Variants in ZC3H12B observed in about 807,000 individuals in gnomAD.
The protein encoded by ZC3H12B is zinc finger CCCH-type containing 12B.
In ZC3H12B, 7 loss-of-function variants were observed where a neutral mutation model predicts 43.9. That is an observed-to-expected ratio of 0.16 (90% CI 0.09 to 0.30). The LOEUF (loss-of-function observed/expected upper bound fraction) is 0.30, where lower values mean the gene tolerates loss of function less well. Among genes scored for constraint, ZC3H12B ranks in the 10% least tolerant of loss-of-function variants. The pLI is 1.00. For missense variants in ZC3H12B, 475 were observed against 670.2 expected (o/e 0.71, Z 3.22); for synonymous variants, 222 against 241.7 (o/e 0.92, Z 0.76).
At chrX:65,315,451 T>G in the ZC3H12B span, among the ~76,000 whole-genome samples, 3 of 111,475 alleles carry the variant, frequency 2.7e-5, no homozygotes, top group African/African-American at 9.8e-5. Context: ...CTGTAAATGT[T>G]GTGACAATCA....
chrX:65,277,476 G>C, the ZC3H12B span, among the ~76,000 whole-genome samples: 1 of 111,229 alleles, frequency 9.0e-6, no homozygotes, highest in Non-Finnish European at 1.9e-5. Context: ...ACAGAGACAA[G>C]TTTCAAAAAA....
intron 3 of ZC3H12B, among the ~76,000 whole-genome samples, chrX:65,457,882 GT>G (rs2067653877): frequency 1.6e-5 from 1 of 63,564 alleles, no homozygotes; most frequent in Non-Finnish European, 2.7e-5. Flanking sequence ...CTCGTTAAGA[GT>G]CATCACCACT....
chrX:65,408,598 T>G, intron 3 of ZC3H12B: 1 of 1,141,121 alleles, frequency 8.8e-7, no homozygotes, highest in Non-Finnish European at 1.2e-6. Flanking sequence ...GTGCTCTGAG[T>G]GGGCAATCTC....
At chrX:65,350,030 C>T in the ZC3H12B span, among the ~76,000 whole-genome samples, 1 of 111,548 alleles carries the variant, frequency 9.0e-6, no homozygotes, top group African/African-American at 3.3e-5. Context: ...ATCCTGATAC[C>T]AAAACCTGGC....
intron 3 of ZC3H12B, among the ~76,000 whole-genome samples, chrX:65,438,777 G>A (rs939213372): frequency 4.4e-5 from 5 of 113,397 alleles, no homozygotes; most frequent in Admixed American, 9.3e-5. Context: ...GCGGTTTTCC[G>A]CCCTGGGCGG....
chrX:65,098,834 G>GT, the ZC3H12B span, among the ~76,000 whole-genome samples: 814 of 107,835 alleles, frequency 7.5e-3, 12 homozygotes, highest in African/African-American at 0.024. Flanking sequence ...GCTAGCTGCA[G>GT]TTTTTTTTTT....
chrX:65,183,768 G>T, the ZC3H12B span, among the ~76,000 whole-genome samples: 1 of 111,483 alleles, frequency 9.0e-6, no homozygotes, highest in Non-Finnish European at 1.9e-5. Context: ...ATTGTTCATT[G>T]TTGAGTCCTT....
chrX:65,108,240 T>C, the ZC3H12B span, among the ~76,000 whole-genome samples: 2 of 111,127 alleles, frequency 1.8e-5, no homozygotes, highest in Non-Finnish European at 3.8e-5. Context: ...TTTTTAATAA[T>C]AAATTAACCT....
chrX:65,111,814 G>A, the ZC3H12B span, among the ~76,000 whole-genome samples: 2 of 110,226 alleles, frequency 1.8e-5, no homozygotes, highest in African/African-American at 3.3e-5. Flanking sequence ...ATTACTCCAT[G>A]GACTGGCCAT....
At chrX:65,211,669 TATTATATA>T in the ZC3H12B span, among the ~76,000 whole-genome samples, 1 of 90,349 alleles carries the variant, frequency 1.1e-5, no homozygotes, top group Non-Finnish European at 2.1e-5. Flanking sequence ...ACATAATATA[TATTATATA>T]ATTATATATA....
intron 3 of ZC3H12B, among the ~76,000 whole-genome samples, chrX:65,438,445 A>C (rs2067252786): frequency 9.0e-6 from 1 of 111,463 alleles, no homozygotes; most frequent in Non-Finnish European, 1.9e-5. Context: ...CTTTAACTTT[A>C]TTCCTAATGC....
At chrX:65,218,501 G>A in the ZC3H12B span, among the ~76,000 whole-genome samples, 3 of 111,430 alleles carry the variant, frequency 2.7e-5, no homozygotes, top group Non-Finnish European at 5.7e-5. Context: ...CAGGACTTTT[G>A]GGCTATAGGC....
chrX:65,388,362 ACTT>A (rs1056565411), intron 2 of ZC3H12B, among the ~76,000 whole-genome samples: 9 of 110,742 alleles, frequency 8.1e-5, no homozygotes, highest in Middle Eastern at 4.7e-3. Context: ...TTTTCTCTAA[ACTT>A]CTCTTCTTGC....
the ZC3H12B span, among the ~76,000 whole-genome samples, chrX:65,127,900 C>G: frequency 9.0e-6 from 1 of 111,499 alleles, no homozygotes; most frequent in Admixed American, 9.5e-5. Flanking sequence ...TAGCACCAGT[C>G]TATTTCCAGG....
chrX:65,313,596 G>C, the ZC3H12B span, among the ~76,000 whole-genome samples: 6 of 112,408 alleles, frequency 5.3e-5, no homozygotes, highest in Admixed American at 9.5e-5. Context: ...CTTACCAAAG[G>C]TTTTGAAAAC....
At chrX:65,188,649 T>C in the ZC3H12B span, among the ~76,000 whole-genome samples, 1 of 110,949 alleles carries the variant, frequency 9.0e-6, no homozygotes, top group Non-Finnish European at 1.9e-5. Context: ...TATTCTTAGG[T>C]ATCTTATTTT....
chrX:65,162,238 A>G, the ZC3H12B span, among the ~76,000 whole-genome samples: 9 of 110,416 alleles, frequency 8.2e-5, no homozygotes, highest in East Asian at 2.8e-4. Flanking sequence ...TCTGACAATT[A>G]TGTGTCTTGG....
the ZC3H12B span, chrX:65,356,961 A>T: frequency 2.2e-6 from 1 of 463,401 alleles, no homozygotes; most frequent in Non-Finnish European, 4.1e-6. Context: ...CAGAGTTGAT[A>T]GGTTTGTGAT....
At chrX:65,158,940 A>G in the ZC3H12B span, among the ~76,000 whole-genome samples, 1 of 111,730 alleles carries the variant, frequency 9.0e-6, no homozygotes, top group Admixed American at 9.5e-5. Flanking sequence ...ATCTTGAATA[A>G]ATTTTTGTAT....
Sources: gnomAD v4.1 joint callset for allele counts (sites outside exome capture counted in the v4.1 genomes callset) on GRCh38, gnomAD v4.1.1 for gene constraint, MANE v1.5 for transcripts, NCBI Gene and HGNC (gene_info 2026-07-23, HGNC 2026-07-21) for gene names.